ELMO1: variants seen among roughly 807,000 people sequenced by gnomAD.
ELMO1 encodes the protein engulfment and cell motility protein 1.
Under a neutral mutation model 98.9 loss-of-function variants are expected in ELMO1, and 26 were observed. The ratio of observed to expected loss-of-function variants is 0.26; its 90% CI spans 0.19 to 0.36. ELMO1 has a LOEUF of 0.36. Ranked by LOEUF, ELMO1 falls within the 10% of genes least tolerant of loss-of-function variation. The probability of loss-of-function intolerance (pLI) is 1.00; values close to 1 mark genes in which losing one functional copy is unlikely to be tolerated. For missense variants in ELMO1, 627 were observed against 935.2 expected, an observed-to-expected ratio of 0.67 and a Z score of 4.30; for synonymous variants, 346 against 346.0, an observed-to-expected ratio of 1.00 and a Z score of 0.00.
intron 14 of ELMO1, among the ~76,000 whole-genome samples, chr7:37,112,896 A>C (rs1785334629): frequency 6.6e-6 from 1 of 152,194 alleles, no homozygotes; most frequent in African/African-American, 2.4e-5. Flanking sequence ...TACCACCTAA[A>C]TTTTATTATA....
At position 37,038,266 on chromosome 7, in the gene ELMO1, C is replaced by A. The variant is rs73344394; in HGVS notation, c.1301-24831G>T. 7.7e-3 allele frequency among the ~76,000 whole-genome samples: 1,171 copies of A among 152,214 alleles called. 16 individuals carry two copies. Among genetic ancestry groups the A allele is most frequent in the African/African-American group, 0.027 (1,116 of 41,522 alleles). ...AAGGTGTTCCTGACTTTTCTCCTGCCCACTTGGCTCCCACCTAAGGGGGAA... is the reference window on the plus strand; with the variant it reads ...AAGGTGTTCCTGACTTTTCTCCTGCACACTTGGCTCCCACCTAAGGGGGAA... On this transcript the variant is annotated intron_variant, in intron 15 of 21. Coordinates refer to ENST00000310758, the MANE Select transcript of ELMO1 (RefSeq NM_014800.11).
intron 16 of ELMO1, among the ~76,000 whole-genome samples, chr7:36,938,049 T>C (rs1786700375): frequency 6.6e-6 from 1 of 152,180 alleles, no homozygotes; most frequent in South Asian, 2.1e-4. Context: ...CTTGCCAGTT[T>C]ATGAAACATC....
chr7:37,156,595 C>T (rs565295814), intron 13 of ELMO1, among the ~76,000 whole-genome samples: 40 of 152,288 alleles, frequency 2.6e-4, no homozygotes, highest in Admixed American at 5.2e-4. Context: ...TTCGTGGACA[C>T]ATACACCCTC....
chr7:37,345,499 CAGG>C (rs1800954491), intron 1 of ELMO1, among the ~76,000 whole-genome samples: 1 of 152,012 alleles, frequency 6.6e-6, no homozygotes, highest in South Asian at 2.1e-4. Context: ...CACTTGAGGC[CAGG>C]AGTTCAAGAC....
At chr7:37,052,415 A>G (rs1796156306) in intron 15 of ELMO1, among the ~76,000 whole-genome samples, 1 of 152,190 alleles carries the variant, frequency 6.6e-6, no homozygotes, top group African/African-American at 2.4e-5. Context: ...ACATTTAAAA[A>G]TTCCAATTTT....
intron 16 of ELMO1, among the ~76,000 whole-genome samples, chr7:37,000,817 A>G (rs1200018160): frequency 6.6e-6 from 1 of 152,062 alleles, no homozygotes; most frequent in East Asian, 1.9e-4. Flanking sequence ...GCTAGTGGGA[A>G]AAACAGTGCT....
chr7:36,941,932 C>G (rs531304340), intron 16 of ELMO1, among the ~76,000 whole-genome samples: 92 of 152,226 alleles, frequency 6.0e-4, no homozygotes, highest in Non-Finnish European at 1.1e-3. Flanking sequence ...GACTTGAATT[C>G]TGCTTCCTAA....
At chr7:36,998,846 T>C (rs1339176711) in intron 16 of ELMO1, among the ~76,000 whole-genome samples, 2 of 151,988 alleles carry the variant, frequency 1.3e-5, no homozygotes, top group African/African-American at 4.8e-5. Flanking sequence ...GATTAATACA[T>C]GAAAAGGCGA....
chr7:37,038,782 T>G (rs1795332319), intron 15 of ELMO1, among the ~76,000 whole-genome samples: 2 of 152,222 alleles, frequency 1.3e-5, no homozygotes, highest in African/African-American at 4.8e-5. Flanking sequence ...GGTGCAAGCA[T>G]GGTTGGGTTC....
intron 4 of ELMO1, among the ~76,000 whole-genome samples, chr7:37,282,467 G>GATGT (rs1268840383): frequency 6.6e-6 from 1 of 152,124 alleles, no homozygotes; most frequent in African/African-American, 2.4e-5. Context: ...CCATTTTTTT[G>GATGT]ATGTTCACAT....
At chr7:36,874,775 A>G (rs28567764) in intron 19 of ELMO1, among the ~76,000 whole-genome samples, 51,688 of 152,004 alleles carry the variant, frequency 0.34, 9,047 homozygotes, top group Middle Eastern at 0.44. Flanking sequence ...GTGGGGTCCT[A>G]TGTTTATTGG....
At chr7:37,219,278 T>C (rs530041496) in intron 10 of ELMO1, among the ~76,000 whole-genome samples, 8 of 152,208 alleles carry the variant, frequency 5.3e-5, no homozygotes, top group Non-Finnish European at 8.8e-5. Context: ...CACAGGTCCT[T>C]CTGACCATGG....
intron 16 of ELMO1, among the ~76,000 whole-genome samples, chr7:36,956,684 A>G (rs998014657): frequency 2.6e-5 from 4 of 152,258 alleles, no homozygotes; most frequent in Non-Finnish European, 2.9e-5. Context: ...GCTTCTTAGC[A>G]GTTGTGAAAA....
At chr7:37,121,798 A>G (rs1385501875) in intron 14 of ELMO1, among the ~76,000 whole-genome samples, 2 of 152,190 alleles carry the variant, frequency 1.3e-5, no homozygotes, top group Non-Finnish European at 2.9e-5. Flanking sequence ...ACTCCTCGAG[A>G]AGAGCAACTC....
Position 36,855,683 on chromosome 7 carries a change from A to G in ELMO1, c.2052T>C (p.Asn684=), listed in dbSNP as rs137942550. 28 of 1,614,132 alleles carry G rather than the reference A, an allele frequency of 1.7e-5. No homozygotes were observed. The highest frequency in any genetic ancestry group is 2.2e-5 in the Non-Finnish European group (26 of 1,179,994). Residue 684 remains asparagine (N), a synonymous_variant, in exon 22 of 22, where the codon AAT becomes AAC. Transcript: ENST00000310758. The surrounding 1 kb of genome is among the most constrained non-coding windows in gnomAD (Gnocchi z 4.2). ...CCATGCTGAGCAGGGTGTCCAGGTC[A>G]TTCCGCGTCAGGTCGCTCATCATGT... The part of the protein sequence containing the change: ...GKDMMSDLTR[N]DLDTLLSMEI...
chr7:37,018,475 CT>C (rs1279142304), intron 15 of ELMO1, among the ~76,000 whole-genome samples: 5 of 151,716 alleles, frequency 3.3e-5, no homozygotes, highest in Non-Finnish European at 7.4e-5. Context: ...TAAATGGTAG[CT>C]ATTAGTTACT....
chr7:37,358,447 A>C (rs190051663), intron 1 of ELMO1, among the ~76,000 whole-genome samples: 31 of 152,310 alleles, frequency 2.0e-4, no homozygotes, highest in Non-Finnish European at 1.2e-4. Flanking sequence ...AATTGTGAAA[A>C]AAATTAGAGA....
chr7:37,424,207 T>A (rs978264656), intron 1 of ELMO1, among the ~76,000 whole-genome samples: 1 of 152,210 alleles, frequency 6.6e-6, no homozygotes, highest in Non-Finnish European at 1.5e-5. Flanking sequence ...AGAAAAGCCA[T>A]ATGCTTTGAT....
intron 15 of ELMO1, 151 bp from the exon 16 acceptor site, chr7:37,013,586 A>G (rs1793713620): frequency 2.3e-6 from 2 of 862,068 alleles, no homozygotes; most frequent in South Asian, 1.8e-5. Context: ...AAAAGCAACC[A>G]AAGGATGGCC....
Sources: gnomAD v4.1 joint callset for allele counts (sites outside exome capture counted in the v4.1 genomes callset) on GRCh38, gnomAD v4.1.1 for gene constraint, Gnocchi (gnomAD v3.1) non-coding constraint, MANE v1.5 for transcripts, NCBI Gene and HGNC (gene_info 2026-07-23, HGNC 2026-07-21) for gene names.